The following DPP6 variants were observed in gnomAD, a reference collection of about 807,000 sequenced individuals.
The protein encoded by DPP6 is A-type potassium channel modulatory protein DPP6.
Under a neutral mutation model 122.6 loss-of-function variants are expected in DPP6, and 69 were observed. The ratio of observed to expected loss-of-function variants is 0.56; its 90% CI spans 0.46 to 0.69. The LOEUF is 0.69. Ranked by LOEUF, DPP6 falls within the 30% of genes least tolerant of loss-of-function variation. The pLI is 0.00. For missense variants in DPP6, 928 were observed against 1,116.9 expected (o/e 0.83, Z 2.41); for synonymous variants, 418 against 433.1 (o/e 0.97, Z 0.43).
At chr7:154,506,535 T>C (rs546941862) in intron 3 of DPP6, among the ~76,000 whole-genome samples, 1 of 152,296 alleles carries the variant, frequency 6.6e-6, no homozygotes, top group Non-Finnish European at 1.5e-5. Context: ...AGAAGGAACA[T>C]CCTCTTTATA....
At chr7:154,827,667 G>C (rs962730627) in intron 16 of DPP6, among the ~76,000 whole-genome samples, 1 of 147,796 alleles carries the variant, frequency 6.8e-6, no homozygotes, top group African/African-American at 2.5e-5. Context: ...CTGGCAGGGG[G>C]GTGGTGTCGC....
intron 5 of DPP6, among the ~76,000 whole-genome samples, chr7:154,595,259 C>T (rs1424579315): frequency 2.0e-5 from 3 of 152,084 alleles, no homozygotes; most frequent in Non-Finnish European, 2.9e-5. Flanking sequence ...TCAGCCTTAC[C>T]CTTTCTTCCC....
chr7:153,783,540 A>G, the DPP6 span, among the ~76,000 whole-genome samples: 1 of 152,320 alleles, frequency 6.6e-6, no homozygotes, highest in South Asian at 2.1e-4. Context: ...GTAAATGTAC[A>G]TTCAGGTGTT....
At chr7:154,147,476 TCCTTCCTTCCTTCC>T (rs2150675860) in intron 1 of DPP6, among the ~76,000 whole-genome samples, 1,558 of 138,740 alleles carry the variant, frequency 0.011, no homozygotes, top group African/African-American at 0.049. Flanking sequence ...CTTCCTTCCT[TCCTTCCTTCCTTCC>T]TTTCTTTTTC....
rs71803736 is a variant in DPP6, at chr7:154,755,148, T to TAAAAAAAAAAAAAAA, written c.884-14267_884-14253dup. On this transcript the variant is annotated intron_variant, in intron 8 of 25. Coordinates refer to ENST00000377770, the MANE Select transcript of DPP6 (RefSeq NM_130797.4). This position sits in a 1 kb window ranked among gnomAD's most constrained non-coding sequence, Gnocchi z 4.7. ...TCCCAGAACTTAAAGTAAAATAAAT[T>TAAAAAAAAAAAAAAA]AAAAAAAAAAAAAAAAGAAACTGAA... 7.6e-6 allele frequency among the ~76,000 whole-genome samples: 1 copy of TAAAAAAAAAAAAAAA among 131,578 alleles called. No individual in the cohort carries two copies. The highest frequency in any genetic ancestry group is 1.6e-5 in the Non-Finnish European group (1 of 60,950). The allele number at this position is 131,578 out of a possible 152,430, so 86.3% of individuals were successfully genotyped here. A position where few individuals can be genotyped will look rare whatever the true frequency, so the allele number is the denominator to read the frequency against.
At chr7:154,341,387 A>T (rs1809918521) in intron 1 of DPP6, among the ~76,000 whole-genome samples, 1 of 152,076 alleles carries the variant, frequency 6.6e-6, no homozygotes, top group Non-Finnish European at 1.5e-5. Flanking sequence ...AATTGTGAGC[A>T]TTCCATTTAT....
chr7:154,281,629 C>T (rs943590154), intron 1 of DPP6, among the ~76,000 whole-genome samples: 1 of 152,138 alleles, frequency 6.6e-6, no homozygotes, highest in African/African-American at 2.4e-5. Flanking sequence ...TAAGAGAAGG[C>T]ACTAGGAGAT....
chr7:154,445,777 TAA>T lies in DPP6; in HGVS notation c.244-425_244-424del, dbSNP rs33926357. Among the ~76,000 whole-genome samples, 1,004 of 147,350 alleles carry T rather than the reference TAA, an allele frequency of 6.8e-3. 4 individuals carry two copies. The highest frequency in any genetic ancestry group is 8.0e-3 in the Non-Finnish European group (532 of 66,670). On this transcript the variant is annotated intron_variant, in intron 1 of 25. Transcript: ENST00000377770. ...GAAATAGAAGTTGATCACATGGATG[TAA>T]AAAAAAAAAAAGGGAATGATGACAG...
At chr7:154,442,895 C>T (rs1409131711) in intron 1 of DPP6, among the ~76,000 whole-genome samples, 1 of 152,176 alleles carries the variant, frequency 6.6e-6, no homozygotes, top group Non-Finnish European at 1.5e-5. Flanking sequence ...CCTGTTCCCA[C>T]CCTGGTTTCT....
chr7:154,836,333 C>T (rs1801051900), intron 16 of DPP6, among the ~76,000 whole-genome samples: 1 of 152,216 alleles, frequency 6.6e-6, no homozygotes. Context: ...AAGCACACAG[C>T]ACTGCCTCAC....
At chr7:153,937,699 G>A (rs374942613) in intron 1 of DPP6, among the ~76,000 whole-genome samples, 29 of 152,018 alleles carry the variant, frequency 1.9e-4, no homozygotes, top group Non-Finnish European at 7.4e-5. Flanking sequence ...CATCTGCCTC[G>A]CCCTCCCAGA....
Position 154,483,033 on chromosome 7 carries a change from A to G in DPP6, c.457+7996A>G, listed in dbSNP as rs1432454953. Among the ~76,000 whole-genome samples the G allele has an allele frequency of 6.6e-6, 1 of 151,884 alleles. No homozygotes were observed. The highest frequency in any genetic ancestry group is 1.5e-5 in the Non-Finnish European group (1 of 67,996). On this transcript the variant is annotated intron_variant, in intron 3 of 25. Transcript: ENST00000377770. This position sits in a 1 kb window ranked among gnomAD's most constrained non-coding sequence, Gnocchi z 8.1. Reference sequence around the variant, plus strand: ...GGGATGAAGCCAGGTGAGAGGTTGGAGCCATCTGGAGGACCATGGAAAGCG... The same window carrying G: ...GGGATGAAGCCAGGTGAGAGGTTGGGGCCATCTGGAGGACCATGGAAAGCG...
At chr7:154,136,617 ATCTT>A (rs1326145967) in intron 1 of DPP6, among the ~76,000 whole-genome samples, 1,633 of 152,244 alleles carry the variant, frequency 0.011, 31 homozygotes, top group African/African-American at 0.037. Flanking sequence ...ATAAACACAT[ATCTT>A]CTTCCTTATT....
chr7:154,718,589 G>C (rs1015125397), intron 7 of DPP6, among the ~76,000 whole-genome samples: 20 of 150,622 alleles, frequency 1.3e-4, no homozygotes, highest in African/African-American at 4.9e-4. Context: ...CCCACAGTGA[G>C]GTCCTCTTTA....
chr7:154,785,679 T>C (rs190638385), intron 10 of DPP6, among the ~76,000 whole-genome samples: 1 of 152,318 alleles, frequency 6.6e-6, no homozygotes, highest in Admixed American at 6.5e-5. Flanking sequence ...GTTGATGGCA[T>C]TTACACTCTG....
intron 7 of DPP6, among the ~76,000 whole-genome samples, chr7:154,673,882 T>TTC (rs1022124914): frequency 2.8e-5 from 3 of 107,610 alleles, no homozygotes; most frequent in Admixed American, 8.5e-5. Context: ...TGTTTCTTTC[T>TTC]TTTTTTTTTT....
At chr7:154,571,857 C>T (rs942999837) in intron 5 of DPP6, among the ~76,000 whole-genome samples, 1 of 152,188 alleles carries the variant, frequency 6.6e-6, no homozygotes, top group Admixed American at 6.5e-5. Context: ...AACATAGCAG[C>T]TTAAGACAAA....
At chr7:154,734,868 C>G (rs1842503026) in intron 8 of DPP6, among the ~76,000 whole-genome samples, 1 of 152,200 alleles carries the variant, frequency 6.6e-6, no homozygotes, top group African/African-American at 2.4e-5. Flanking sequence ...CATAAGGTCA[C>G]AGAGGAAATT....
At chr7:154,884,211 G>C (rs536168418) in intron 21 of DPP6, 1 of 122,688 alleles carries the variant, frequency 8.2e-6, no homozygotes, top group Non-Finnish European at 1.7e-5. Context: ...CCACATACAC[G>C]ATTACATGCA....
Sources: allele counts gnomAD v4.1 joint callset (sites outside exome capture counted in the v4.1 genomes callset), GRCh38; gene constraint gnomAD v4.1.1; non-coding constraint Gnocchi (gnomAD v3.1); transcripts MANE v1.5; gene names NCBI Gene and HGNC (gene_info 2026-07-23, HGNC 2026-07-21).